GTF2E2: variants seen among roughly 807,000 people sequenced by gnomAD.
GTF2E2 encodes general transcription factor IIE subunit 2, also known as transcription initiation factor IIE subunit beta.
GTF2E2 carries 21 observed loss-of-function variants against 40.5 expected under a neutral mutation model. That is an observed-to-expected ratio of 0.52 (90% confidence interval 0.37 to 0.75). The LOEUF (loss-of-function observed/expected upper bound fraction) is 0.75. Among genes scored for constraint, GTF2E2 ranks in the 30% least tolerant of loss-of-function variants. The pLI is 0.00. For synonymous variants in GTF2E2, 117 were observed against 121.6 expected, an observed-to-expected ratio of 0.96 and a Z score of 0.25; for missense variants, 298 against 338.4, an observed-to-expected ratio of 0.88 and a Z score of 0.94.
chr8:30,651,115 T>C (rs1179314348), intron 2 of GTF2E2, among the ~76,000 whole-genome samples: 1 of 150,582 alleles, frequency 6.6e-6, no homozygotes, highest in African/African-American at 2.4e-5. Context: ...TGCGTAAGAG[T>C]GAAAAACCGA....
chr8:30,650,744 G>A (rs1056919098), intron 2 of GTF2E2, among the ~76,000 whole-genome samples: 3 of 146,266 alleles, frequency 2.1e-5, no homozygotes, highest in African/African-American at 2.5e-5. Context: ...GGCTGGGTGC[G>A]GTGGCTCACG....
At chr8:30,608,884 G>C (rs796697502) in intron 5 of GTF2E2, among the ~76,000 whole-genome samples, 9 of 152,180 alleles carry the variant, frequency 5.9e-5, no homozygotes, top group African/African-American at 1.9e-4. Context: ...GAGTAGCTGG[G>C]ACTACAGGTG....
chr8:30,630,154 C>G (rs1334294107), intron 3 of GTF2E2, among the ~76,000 whole-genome samples: 2 of 152,160 alleles, frequency 1.3e-5, no homozygotes, highest in Non-Finnish European at 2.9e-5. Context: ...GGTCACTGAA[C>G]ATAATTTAAT....
At chr8:30,623,860 G>GT (rs373450910) in intron 3 of GTF2E2, among the ~76,000 whole-genome samples, 3,226 of 150,830 alleles carry the variant, frequency 0.021, 66 homozygotes, top group Non-Finnish European at 0.03. Context: ...TTTTGATGGG[G>GT]TTTTTTTTTC....
At chr8:30,651,948 G>A (rs1231054920) in intron 2 of GTF2E2, among the ~76,000 whole-genome samples, 2 of 152,006 alleles carry the variant, frequency 1.3e-5, no homozygotes, top group Non-Finnish European at 2.9e-5. Flanking sequence ...TATTCAACAA[G>A]GGCGCAATAT....
chr8:30,579,946 G>A (rs1306208408), intron 7 of GTF2E2, among the ~76,000 whole-genome samples: 1 of 152,240 alleles, frequency 6.6e-6, no homozygotes, highest in African/African-American at 2.4e-5. Flanking sequence ...AGGTTGTGCA[G>A]ATCAAGGCAC....
chr8:30,580,559 T>C (rs1161467014), intron 6 of GTF2E2, among the ~76,000 whole-genome samples, 163 bp from the exon 7 acceptor site: 1 of 152,186 alleles, frequency 6.6e-6, no homozygotes, highest in East Asian at 1.9e-4. Context: ...TGGGACACGG[T>C]GCAGGGAAAG....
intron 3 of GTF2E2, among the ~76,000 whole-genome samples, chr8:30,633,320 A>T (rs1342066692): frequency 1.3e-5 from 2 of 152,212 alleles, no homozygotes; most frequent in African/African-American, 4.8e-5. Context: ...AAGAAAAAAT[A>T]ATTAAAATTC....
intron 2 of GTF2E2, among the ~76,000 whole-genome samples, chr8:30,643,204 T>C (rs1484667220): frequency 6.6e-6 from 1 of 152,224 alleles, no homozygotes; most frequent in Non-Finnish European, 1.5e-5. Flanking sequence ...AAAACAATAT[T>C]GTGGTTATGT....
intron 5 of GTF2E2, among the ~76,000 whole-genome samples, chr8:30,609,200 A>G (rs959690474): frequency 6.7e-6 from 1 of 150,338 alleles, no homozygotes. Flanking sequence ...AAGGAGACAG[A>G]GGTTGCAGTG....
chr8:30,633,528 A>T (rs915251374), intron 3 of GTF2E2, among the ~76,000 whole-genome samples: 4 of 152,236 alleles, frequency 2.6e-5, no homozygotes, highest in African/African-American at 9.6e-5. Flanking sequence ...CAACTTAAAT[A>T]TGTACAAAGG....
At chr8:30,622,696 G>T (rs1423216280) in intron 3 of GTF2E2, among the ~76,000 whole-genome samples, 2 of 152,034 alleles carry the variant, frequency 1.3e-5, no homozygotes, top group African/African-American at 4.8e-5. Flanking sequence ...CACAGCCAGG[G>T]GGGCCGTCTA....
chr8:30,618,013 C>T (rs1427876194), intron 3 of GTF2E2, among the ~76,000 whole-genome samples: 2 of 151,970 alleles, frequency 1.3e-5, no homozygotes, highest in African/African-American at 2.4e-5. Flanking sequence ...TTATGCTTTA[C>T]TTAGGCTGGG....
At chr8:30,651,305 C>G (rs538075922) in intron 2 of GTF2E2, among the ~76,000 whole-genome samples, 21 of 151,558 alleles carry the variant, frequency 1.4e-4, no homozygotes, top group Non-Finnish European at 2.8e-4. Context: ...AGGGAAACCA[C>G]ACAAAAAACT....
intron 6 of GTF2E2, among the ~76,000 whole-genome samples, chr8:30,588,710 A>G (rs1287356240): frequency 6.6e-6 from 1 of 152,192 alleles, no homozygotes; most frequent in Non-Finnish European, 1.5e-5. Flanking sequence ...TCAAGGTGGA[A>G]GCAGAGGTCA....
At chr8:30,579,893 G>A (rs1828461420) in intron 7 of GTF2E2, among the ~76,000 whole-genome samples, 1 of 152,180 alleles carries the variant, frequency 6.6e-6, no homozygotes, top group Non-Finnish European at 1.5e-5. Context: ...GCACCAGGAC[G>A]GCGAGGCTCA....
chr8:30,626,060 A>T (rs1025927604), intron 3 of GTF2E2, among the ~76,000 whole-genome samples: 1 of 152,228 alleles, frequency 6.6e-6, no homozygotes, highest in Non-Finnish European at 1.5e-5. Context: ...GACTTATAGG[A>T]CCAAACAAAC....
chr8:30,581,661 G>T lies in GTF2E2; in HGVS notation c.644-1265C>A, dbSNP rs115316871. On this transcript the variant is annotated intron_variant, in intron 6 of 7. Coordinates refer to ENST00000355904, the MANE Select transcript of GTF2E2 (RefSeq NM_002095.6). ...TTTTTAATTTCCATAGATACATTAGGGGTTCTTTCTACTACACACCCACTG... is the reference window on the plus strand; with the variant it reads ...TTTTTAATTTCCATAGATACATTAGTGGTTCTTTCTACTACACACCCACTG... Among the ~76,000 whole-genome samples, 425 of 152,236 alleles carry T rather than the reference G, an allele frequency of 2.8e-3. 3 individuals carry two copies. The highest frequency in any genetic ancestry group is 9.6e-3 in the African/African-American group (398 of 41,522).
At chr8:30,613,868 A>AC (rs1800819118) in intron 4 of GTF2E2, among the ~76,000 whole-genome samples, 1 of 152,180 alleles carries the variant, frequency 6.6e-6, no homozygotes, top group African/African-American at 2.4e-5. Context: ...CCAAATTAGC[A>AC]TGGTCACTGA....
Sources: gnomAD v4.1 joint callset for allele counts (sites outside exome capture counted in the v4.1 genomes callset) on GRCh38, gnomAD v4.1.1 for gene constraint, MANE v1.5 for transcripts, NCBI Gene and HGNC (gene_info 2026-07-23, HGNC 2026-07-21) for gene names.